The following GNPAT variants were observed in gnomAD, a reference collection of about 807,000 sequenced individuals.
GNPAT encodes the protein dihydroxyacetone phosphate acyltransferase.
A neutral mutation model predicts 78.4 loss-of-function variants in GNPAT; 30 were observed. The ratio of observed to expected loss-of-function variants is 0.38; its 90% CI spans 0.29 to 0.52. The LOEUF (loss-of-function observed/expected upper bound fraction) is 0.52, where lower values mean the gene tolerates loss of function less well. Among genes scored for constraint, GNPAT ranks in the 20% least tolerant of loss-of-function variants. The probability of loss-of-function intolerance (pLI) is 0.84; values close to 1 mark genes in which losing one functional copy is unlikely to be tolerated. For synonymous variants in GNPAT, 271 were observed against 281.1 expected (o/e 0.96, Z 0.36); for missense variants, 714 against 812.2 (o/e 0.88, Z 1.47).
chr1:231,268,890 A>T (rs1235648359), intron 9 of GNPAT, among the ~76,000 whole-genome samples: 1 of 140,698 alleles, frequency 7.1e-6, no homozygotes, highest in Non-Finnish European at 1.5e-5. Context: ...TGGGTGATAG[A>T]GCGAGATTCC....
intron 2 of GNPAT, among the ~76,000 whole-genome samples, chr1:231,253,418 T>G (rs1345898730): frequency 6.6e-6 from 1 of 152,254 alleles, no homozygotes; most frequent in Non-Finnish European, 1.5e-5. Flanking sequence ...AAGACAGTTG[T>G]CAAGCTTTAA....
rs1248230484 is a variant in GNPAT, at chr1:231,276,203, G to T, written c.1999+7G>T. 1 of 1,375,642 alleles carries T rather than the reference G, an allele frequency of 7.3e-7. No homozygotes were observed. Among genetic ancestry groups the T allele is most frequent in the East Asian group, 2.3e-5 (1 of 43,640 alleles). The allele number at this position is 1,375,642 out of a possible 1,614,324, so 85.2% of individuals were successfully genotyped here. ...AAATTAGAAGAAATGCTTGGTAAGT[G>T]CAGTTTAATAAAATACAAGTTTTCA... is the stretch of plus-strand genomic sequence containing the variant. On this transcript the variant is annotated splice_region_variant and intron_variant, in intron 15 of 15. Coordinates refer to ENST00000366647, the MANE Select transcript of GNPAT (RefSeq NM_014236.4).
At chr1:231,255,660 C>G (rs975691439) in intron 2 of GNPAT, among the ~76,000 whole-genome samples, 1 of 152,096 alleles carries the variant, frequency 6.6e-6, no homozygotes, top group Admixed American at 6.6e-5. Flanking sequence ...AGCTTGAACT[C>G]CTGACCTCAA....
chr1:231,265,180 C>A (rs1685340423), intron 4 of GNPAT, 113 bp from the exon 5 acceptor site: 1 of 849,214 alleles, frequency 1.2e-6, no homozygotes, highest in Non-Finnish European at 1.9e-6. Flanking sequence ...ATAGCGAGAC[C>A]CTGTCTCATA....
At chr1:231,256,703 G>GTCTCGA (rs1487688546) in intron 2 of GNPAT, among the ~76,000 whole-genome samples, 5 of 151,850 alleles carry the variant, frequency 3.3e-5, no homozygotes, top group Non-Finnish European at 7.4e-5. Flanking sequence ...AGCCAGGATG[G>GTCTCGA]TCTCGATCTC....
At chr1:231,268,085 G>A (rs565255177) in intron 9 of GNPAT, among the ~76,000 whole-genome samples, 182 bp downstream of exon 9, 235 of 152,182 alleles carry the variant, frequency 1.5e-3, no homozygotes, top group South Asian at 3.1e-3. Flanking sequence ...GGTGGATCAC[G>A]AGGTCAGGAG....
intron 4 of GNPAT, among the ~76,000 whole-genome samples, chr1:231,264,523 A>G (rs1185170662): frequency 6.6e-6 from 1 of 152,230 alleles, no homozygotes; most frequent in Admixed American, 6.5e-5. Context: ...ACGTTTGTTA[A>G]TAAATGCAGT....
In GNPAT at chr1:231,260,620, C is replaced by T. The variant is rs1685196962; in HGVS notation, c.375C>T (p.Thr125=). The T allele has an allele frequency of 3.7e-6, 6 of 1,612,796 alleles. No homozygotes were observed. The highest frequency in any genetic ancestry group is 5.1e-6 in the Non-Finnish European group (6 of 1,179,362). ...GAGCCATTCGGTTTTGTGCCTTCAC[C>T]CTGAGCAAAGTATTTAAACAAATTT... ...RLGAIRFCAF[T]LSKVFKQIFS... Residue 125 remains threonine (T), a synonymous_variant, in exon 3 of 16, where the codon ACC becomes ACT. Coordinates refer to ENST00000366647, the MANE Select transcript of GNPAT (RefSeq NM_014236.4).
chr1:231,242,278 TGAAA>T (rs559966015), intron 1 of GNPAT, among the ~76,000 whole-genome samples: 27 of 152,360 alleles, frequency 1.8e-4, no homozygotes, highest in African/African-American at 6.3e-4. Flanking sequence ...TAGGAGAAAA[TGAAA>T]GAATTCATTT....
At chr1:231,260,746 A>G (rs2102813456) in intron 3 of GNPAT, 63 bp downstream of exon 3, 1 of 1,137,532 alleles carries the variant, frequency 8.8e-7, no homozygotes, top group South Asian at 1.3e-5. Context: ...AAACAAAAAA[A>G]AAAACAGTCT....
chr1:231,258,021 A>C (rs761393263), intron 2 of GNPAT, among the ~76,000 whole-genome samples: 82 of 152,064 alleles, frequency 5.4e-4, no homozygotes, highest in Admixed American at 2.0e-3. Context: ...GGCTTGAACT[A>C]TTTCCATAGG....
At chr1:231,248,509 T>C (rs572268) in intron 1 of GNPAT, among the ~76,000 whole-genome samples, 83,059 of 151,338 alleles carry the variant, frequency 0.55, 22,980 homozygotes, top group South Asian at 0.62. Flanking sequence ...GGGAAGATAA[T>C]TTGAGCTCAG....
chr1:231,241,827 T>C (rs571230993), intron 1 of GNPAT, among the ~76,000 whole-genome samples: 80 of 152,238 alleles, frequency 5.3e-4, no homozygotes, highest in Non-Finnish European at 1.0e-3. Context: ...CCTGAGAAAC[T>C]TGCGGGTTTG....
At chr1:231,262,025 C>G (rs1410121296) in intron 3 of GNPAT, among the ~76,000 whole-genome samples, 2 of 152,170 alleles carry the variant, frequency 1.3e-5, no homozygotes, top group Admixed American at 1.3e-4. Context: ...TACCTGGCCT[C>G]TGTTACATTT....
At chr1:231,265,018 A>G (rs982470038) in intron 4 of GNPAT, among the ~76,000 whole-genome samples, 1 of 152,208 alleles carries the variant, frequency 6.6e-6, no homozygotes, top group African/African-American at 2.4e-5. Flanking sequence ...GTATAATAAT[A>G]TCATAGGGGT....
intron 11 of GNPAT, 127 bp from the exon 12 acceptor site, chr1:231,273,795 G>A: frequency 1.3e-6 from 1 of 751,352 alleles, no homozygotes; most frequent in Non-Finnish European, 2.4e-6. Flanking sequence ...TGTTGTCTGA[G>A]GGCATGTGGC....
intron 2 of GNPAT, among the ~76,000 whole-genome samples, chr1:231,257,180 A>G (rs1346382235): frequency 2.6e-5 from 4 of 152,148 alleles, no homozygotes; most frequent in Admixed American, 2.0e-4. Context: ...TTGTTGATCT[A>G]TTCATTTCGT....
intron 6 of GNPAT, 65 bp downstream of exon 6, chr1:231,265,852 G>C: frequency 9.1e-7 from 1 of 1,102,060 alleles, no homozygotes; most frequent in Non-Finnish European, 1.4e-6. Flanking sequence ...CATAAAACTT[G>C]ACGCTTTATT....
intron 2 of GNPAT, among the ~76,000 whole-genome samples, chr1:231,259,280 T>A (rs907495595): frequency 6.6e-6 from 1 of 152,098 alleles, no homozygotes. Context: ...AAAGATAGGA[T>A]ATGCAGCAAG....
Sources: allele counts gnomAD v4.1 joint callset (sites outside exome capture counted in the v4.1 genomes callset), GRCh38; gene constraint gnomAD v4.1.1; transcripts MANE v1.5; gene names NCBI Gene and HGNC (gene_info 2026-07-23, HGNC 2026-07-21).